The following CREBBP variants were observed in gnomAD, a reference collection of about 807,000 sequenced individuals.
The protein encoded by CREBBP is CREB-binding protein.
A neutral mutation model predicts 265.0 loss-of-function variants in CREBBP; 19 were observed. The observed-to-expected ratio is 0.07, with a 90% CI of 0.05 to 0.11. The LOEUF (loss-of-function observed/expected upper bound fraction) is 0.11, where lower values mean the gene tolerates loss of function less well. Among genes scored for constraint, CREBBP ranks in the 10% least tolerant of loss-of-function variants. The pLI, the probability that CREBBP is intolerant of heterozygous loss-of-function variation, is 1.00. For synonymous variants in CREBBP, 1,457 were observed against 1,223.7 expected, an observed-to-expected ratio of 1.19 and a Z score of -3.98; for missense variants, 2,525 against 3,219.0, an observed-to-expected ratio of 0.78 and a Z score of 5.22.
chr16:3,780,709 G>GA, intron 8 of CREBBP, 23 bp downstream of exon 8: 1 of 1,613,220 alleles, frequency 6.2e-7, no homozygotes, highest in African/African-American at 1.3e-5. Flanking sequence ...AAACATCTAT[G>GA]AAACTGCAAA....
At chr16:3,754,121 G>C (rs2151377319) in intron 19 of CREBBP, among the ~76,000 whole-genome samples, 1 of 144,162 alleles carries the variant, frequency 6.9e-6, no homozygotes, top group East Asian at 2.0e-4. Context: ...CAGAACCGGG[G>C]AGGCAAAGCA....
chr16:3,833,561 G>C (rs2054384517), intron 2 of CREBBP, among the ~76,000 whole-genome samples: 1 of 152,152 alleles, frequency 6.6e-6, no homozygotes, highest in Non-Finnish European at 1.5e-5. Context: ...AAAATTCTAA[G>C]ACATCTTATA....
Position 3,736,606 on chromosome 16 carries a change from C to G in CREBBP, c.4560+44G>C, listed in dbSNP as rs747566131. ...GAAAAAGGCACACAAATATCCTCCC[C>G]TCAGTTGTGACAAAAGCCACCACCT... is the stretch of plus-strand genomic sequence containing the variant. On this transcript the variant is annotated intron_variant, in intron 27 of 30. Transcript: ENST00000262367. 7 of 1,613,616 alleles carry G rather than the reference C, an allele frequency of 4.3e-6. No homozygotes were observed. The South Asian group carries it at 7.7e-5, about 18-fold the overall frequency.
intron 26 of CREBBP, among the ~76,000 whole-genome samples, chr16:3,737,154 G>C (rs999443901): frequency 6.6e-6 from 1 of 152,190 alleles, no homozygotes; most frequent in African/African-American, 2.4e-5. Context: ...TGTAAAGGCA[G>C]TTCGGTTGAC....
chr16:3,763,957 G>A (rs1420381987), intron 16 of CREBBP, among the ~76,000 whole-genome samples: 1 of 149,396 alleles, frequency 6.7e-6, no homozygotes, highest in Non-Finnish European at 1.5e-5. Context: ...TGATTCTCCT[G>A]CCTCAGCCTT....
At chr16:3,811,894 T>A (rs562860290) in intron 2 of CREBBP, among the ~76,000 whole-genome samples, 2 of 152,242 alleles carry the variant, frequency 1.3e-5, no homozygotes, top group African/African-American at 4.8e-5. Flanking sequence ...TAAGCAAATG[T>A]GTATGCTATT....
chr16:3,751,855 C>A (rs753492550), intron 19 of CREBBP, 49 bp from the exon 20 acceptor site: 2 of 1,579,802 alleles, frequency 1.3e-6, no homozygotes, highest in Non-Finnish European at 1.7e-6. Flanking sequence ...TCATAACACA[C>A]AGCCACCCAA....
intron 2 of CREBBP, among the ~76,000 whole-genome samples, chr16:3,838,620 G>A (rs781560575): frequency 7.9e-5 from 12 of 152,168 alleles, no homozygotes; most frequent in Non-Finnish European, 1.3e-4. Context: ...AACATCAGGA[G>A]TATGTTTTCT....
chr16:3,735,960 A>G, intron 28 of CREBBP, 76 bp downstream of exon 28: 2 of 1,613,030 alleles, frequency 1.2e-6, no homozygotes, highest in South Asian at 2.2e-5. Flanking sequence ...CTAACAGTCG[A>G]CACGCGCCTC....
At chr16:3,737,679 G>A (rs915068263) in intron 26 of CREBBP, among the ~76,000 whole-genome samples, 2 of 152,044 alleles carry the variant, frequency 1.3e-5, no homozygotes, top group African/African-American at 4.8e-5. Flanking sequence ...GGTCAGGCTG[G>A]TCTTGAACTC....
intron 10 of CREBBP, 33 bp from the exon 11 acceptor site, chr16:3,777,690 C>G (rs532502148): frequency 6.2e-7 from 1 of 1,611,360 alleles, no homozygotes; most frequent in South Asian, 1.1e-5. Flanking sequence ...AAAACAAAAC[C>G]ACCCTAGTTA....
intron 23 of CREBBP, chr16:3,743,256 G>T (rs1483326412): frequency 2.0e-5 from 3 of 152,242 alleles, no homozygotes; most frequent in Non-Finnish European, 4.4e-5. Flanking sequence ...AAAACAGAGG[G>T]TTACCTGGCC....
At chr16:3,769,775 C>T (rs1027924312) in intron 14 of CREBBP, among the ~76,000 whole-genome samples, 10 of 152,200 alleles carry the variant, frequency 6.6e-5, no homozygotes, top group African/African-American at 2.4e-4. Flanking sequence ...GTTACCCAGC[C>T]TGTGTGAACG....
intron 28 of CREBBP, among the ~76,000 whole-genome samples, chr16:3,734,207 C>T (rs2051992099): frequency 6.6e-6 from 1 of 152,100 alleles, no homozygotes. Flanking sequence ...CAGCATGATG[C>T]AGAGCAGAGC....
At chr16:3,834,841 T>C (rs1322842089) in intron 2 of CREBBP, among the ~76,000 whole-genome samples, 1 of 152,000 alleles carries the variant, frequency 6.6e-6, no homozygotes, top group Non-Finnish European at 1.5e-5. Context: ...CTCAAACTAC[T>C]CTAAAAAAAC....
intron 16 of CREBBP, among the ~76,000 whole-genome samples, chr16:3,763,003 C>A (rs544895935): frequency 6.6e-6 from 1 of 151,242 alleles, no homozygotes; most frequent in Non-Finnish European, 1.5e-5. Flanking sequence ...CTCGATCTCC[C>A]GACCTCGTGA....
chr16:3,776,953 G>A (rs1017972505), intron 11 of CREBBP, among the ~76,000 whole-genome samples: 1 of 151,966 alleles, frequency 6.6e-6, no homozygotes. Context: ...GGGAGGCGGA[G>A]CTTGCAGTGA....
chr16:3,802,392 A>G (rs554680918), intron 3 of CREBBP, among the ~76,000 whole-genome samples: 27 of 152,060 alleles, frequency 1.8e-4, no homozygotes, highest in African/African-American at 5.8e-4. Context: ...TTGGCCTCCC[A>G]AAGTGCTGGG....
rs1343450813 is a variant in CREBBP at position 3,880,074 on chromosome 16, G to C, written c.-158C>G. 5.3e-6 allele frequency: 2 copies of C among 375,488 alleles called. No individual in the cohort carries two copies. Among genetic ancestry groups the C allele is most frequent in the East Asian group, 5.7e-5 (1 of 17,412 alleles). 23.3% of individuals were successfully genotyped at this position (375,488 alleles called of 1,614,324 possible). On this transcript the variant is annotated 5_prime_UTR_variant, in exon 1 of 31. Coordinates refer to ENST00000262367, the MANE Select transcript of CREBBP (RefSeq NM_004380.3). ...GGGAGAGGGAGGGCGCAGGCCGGGT[G>C]GGGGAGGCGGCGGCCAAATCTCAGC...
Sources: gnomAD v4.1 joint callset for allele counts (sites outside exome capture counted in the v4.1 genomes callset) on GRCh38, gnomAD v4.1.1 for gene constraint, MANE v1.5 for transcripts, NCBI Gene and HGNC (gene_info 2026-07-23, HGNC 2026-07-21) for gene names.